The following FBXO47 variants were observed in gnomAD, a reference collection of about 807,000 sequenced individuals.
FBXO47 encodes F-box protein 47, also known as F-box only protein 47.
Under a neutral mutation model 53.9 loss-of-function variants are expected in FBXO47, and 34 were observed. The ratio of observed to expected loss-of-function variants is 0.63; its 90% confidence interval spans 0.48 to 0.84. The LOEUF is 0.84. Among genes scored for constraint, FBXO47 ranks in the 40% least tolerant of loss-of-function variants. The probability of loss-of-function intolerance (pLI) is 0.00; values close to 1 mark genes in which losing one functional copy is unlikely to be tolerated. For synonymous variants in FBXO47, 165 were observed against 181.6 expected, an observed-to-expected ratio of 0.91 and a Z score of 0.73; for missense variants, 485 against 541.3, an observed-to-expected ratio of 0.90 and a Z score of 1.03.
intron 3 of FBXO47, among the ~76,000 whole-genome samples, chr17:38,959,961 A>G (rs763076820): frequency 3.9e-5 from 6 of 151,954 alleles, no homozygotes; most frequent in Non-Finnish European, 8.8e-5. Context: ...CTGGGCCGCC[A>G]TGCCCAGATA....
At chr17:38,946,963 CATATATAAAT>C (rs1567717525) in intron 6 of FBXO47, among the ~76,000 whole-genome samples, 1 of 107,372 alleles carries the variant, frequency 9.3e-6, no homozygotes, top group African/African-American at 3.5e-5. Flanking sequence ...AATATATAAA[CATATATAAAT>C]ATATGTAAAT....
In FBXO47 at chr17:38,937,133, T is replaced by C. The variant is rs1329776039; in HGVS notation, c.*42A>G. The C allele has an allele frequency of 1.2e-6, 1 of 832,090 alleles. No individual in the cohort carries two copies. The allele number at this position is 832,090 out of a possible 1,614,324, so 51.5% of individuals were successfully genotyped here. On this transcript the variant is annotated 3_prime_UTR_variant, in exon 11 of 11. Coordinates refer to ENST00000378079, the MANE Select transcript of FBXO47 (RefSeq NM_001008777.3). ...TGAAAAAGTAGCACTCCTCTAATCA[T>C]TCGTTCAGTGACGTTCTCTAAAGGC...
chr17:38,961,809 TTG>T, intron 3 of FBXO47, 66 bp downstream of exon 3: 1 of 1,379,636 alleles, frequency 7.2e-7, no homozygotes, highest in Non-Finnish European at 1.0e-6. Context: ...CCTTACAGAA[TTG>T]TATACTAAGT....
rs950527470 is a variant in FBXO47, at chr17:38,944,707, A to C, written c.793+253T>G. ...ACAGAGCAGACTCCGTCTCAAAAAA[A>C]AAAAAAAAAAAAAATTAGCTGGTTG... On this transcript the variant is annotated intron_variant, in intron 7 of 10. Transcript: ENST00000378079. Among the ~76,000 whole-genome samples the C allele has an allele frequency of 9.3e-5, 14 of 151,166 alleles. No homozygotes were observed. In the East Asian group the frequency reaches 2.3e-3, roughly 25 times the overall value.
chr17:38,941,182 A>T (rs373823230), intron 9 of FBXO47, among the ~76,000 whole-genome samples: 37 of 150,672 alleles, frequency 2.5e-4, no homozygotes, highest in Middle Eastern at 3.4e-3. Flanking sequence ...TTATTTATTT[A>T]TTTTTTTGAG....
At position 38,962,919 on chromosome 17, in the gene FBXO47, T is replaced by G. The variant is rs1382534893; in HGVS notation, c.107A>C (p.Gln36Pro). Reference protein sequence around the residue: ...CYSKTLGSGFQPISTFGNFKA... With the variant: ...CYSKTLGSGFPPISTFGNFKA... ...AAAATTTCCAAATGTTGATATGGGT[T>G]GAAAGCCTGAGCCAAGGGTCTTGGA... The change falls in exon 2 of 11, where the codon CAA becomes CCA. Residue 36 changes from glutamine (Q) to proline (P), a missense_variant. Transcript: ENST00000378079. The G allele has an allele frequency of 1.2e-6, 2 of 1,613,586 alleles. No homozygotes were observed. The highest frequency in any genetic ancestry group is 1.7e-6 in the Non-Finnish European group (2 of 1,179,714).
At chr17:38,965,376 A>C (rs2143978532) in intron 1 of FBXO47, among the ~76,000 whole-genome samples, 1 of 152,306 alleles carries the variant, frequency 6.6e-6, no homozygotes, top group South Asian at 2.1e-4. Flanking sequence ...AAATTGCTAA[A>C]GTAACATTGT....
chr17:38,942,891 T>G lies in FBXO47; in HGVS notation c.970A>C (p.Asn324His), dbSNP rs1207375497. 6.2e-7 allele frequency: 1 copy of G among 1,610,872 alleles called. No homozygotes were observed. The highest frequency in any genetic ancestry group is 1.1e-5 in the South Asian group (1 of 90,050). ...CCACTTAGCATTAGGAGACGTGCAT[T>G]ATTCTCTAGAAGCCACTCACGGGGA... ...VVPREWLLEN[N>H]ARLLMLSGNN... The change falls in exon 9 of 11, where the codon AAT (asparagine) becomes CAT (histidine). Residue 324 changes from asparagine (N) to histidine (H), a missense_variant. Coordinates refer to ENST00000378079, the MANE Select transcript of FBXO47 (RefSeq NM_001008777.3).
chr17:38,963,308 G>T (rs1905915775), intron 1 of FBXO47, among the ~76,000 whole-genome samples: 1 of 152,018 alleles, frequency 6.6e-6, no homozygotes, highest in Non-Finnish European at 1.5e-5. Context: ...CTCCTAAGTA[G>T]CTGGGATTAC....
chr17:38,946,436 ATGAATATATATAAC>A (rs1567716800), intron 6 of FBXO47, among the ~76,000 whole-genome samples: 3 of 96,230 alleles, frequency 3.1e-5, no homozygotes, highest in African/African-American at 9.1e-5. Context: ...ATAAATATAT[ATGAATATATATAAC>A]TATATAAATA....
At chr17:38,941,396 C>T (rs1000297715) in intron 9 of FBXO47, among the ~76,000 whole-genome samples, 1 of 151,090 alleles carries the variant, frequency 6.6e-6, no homozygotes. Flanking sequence ...TTTCGAACTC[C>T]TGACCTCAGG....
chr17:38,944,487 G>A (rs964871812), intron 7 of FBXO47, among the ~76,000 whole-genome samples: 50 of 151,652 alleles, frequency 3.3e-4, no homozygotes, highest in African/African-American at 1.2e-3. Flanking sequence ...AAGATCACAA[G>A]GTCAGGAGAT....
At chr17:38,939,254 C>T (rs1435221690) in intron 9 of FBXO47, among the ~76,000 whole-genome samples, 9 of 126,450 alleles carry the variant, frequency 7.1e-5, no homozygotes, top group African/African-American at 2.8e-4. Flanking sequence ...GATCATACCA[C>T]TGCACTCCAG....
In FBXO47 at chr17:38,938,602, A is replaced by G. The variant is rs1387219072; in HGVS notation, c.1214T>C (p.Ile405Thr). The change falls in exon 10 of 11, where the codon ATA becomes ACA. Residue 405 changes from isoleucine to threonine, a missense_variant. Transcript: ENST00000378079. ...QNVANAFACVIMEMLQSIMSG... is the reference protein window; with the variant it reads ...QNVANAFACVTMEMLQSIMSG... ...CATAATTGATTGCAGCATTTCCATT[A>G]TAACACATGCAAATGCATTTGCCAC... is the stretch of plus-strand genomic sequence containing the variant. The G allele has an allele frequency of 1.9e-6, 3 of 1,613,058 alleles. No homozygotes were observed. Among genetic ancestry groups the G allele is most frequent in the Non-Finnish European group, 2.5e-6 (3 of 1,179,496 alleles).
chr17:38,951,590 T>C lies in FBXO47; in HGVS notation c.607A>G (p.Ser203Gly), dbSNP rs1905285812. 6.2e-7 allele frequency: 1 copy of C among 1,611,164 alleles called. No homozygotes were observed. Among genetic ancestry groups the C allele is most frequent in the Non-Finnish European group, 8.5e-7 (1 of 1,177,986 alleles). ...LCRKIQMAVC[S>G]KPGSAQKLEL... ...AATTATAGTTTTTTACCTGGTTTGC[T>C]GCAGACAGCCATTTGTATCTTGCGG... Residue 203 changes from serine to glycine, a missense_variant, in exon 6 of 11, where the codon AGC (serine) becomes GGC (glycine). Coordinates refer to ENST00000378079, the MANE Select transcript of FBXO47 (RefSeq NM_001008777.3).
At chr17:38,940,170 C>T (rs967278098) in intron 9 of FBXO47, among the ~76,000 whole-genome samples, 7 of 151,888 alleles carry the variant, frequency 4.6e-5, no homozygotes, top group Admixed American at 3.3e-4. Flanking sequence ...TTTCAAAGAG[C>T]TTGCAGTCTA....
chr17:38,954,495 C>G (rs959886154), intron 5 of FBXO47, among the ~76,000 whole-genome samples: 2 of 152,030 alleles, frequency 1.3e-5, no homozygotes, highest in African/African-American at 4.8e-5. Flanking sequence ...CAGCCCAAGA[C>G]TAAACTCATT....
chr17:38,962,325 T>C (rs1341796211), intron 2 of FBXO47, among the ~76,000 whole-genome samples: 1 of 152,070 alleles, frequency 6.6e-6, no homozygotes, highest in East Asian at 1.9e-4. Context: ...TTTAAAAAAA[T>C]TAATTTAGGG....
chr17:38,951,740 C>G, intron 5 of FBXO47, 51 bp from the exon 6 acceptor site: 1 of 1,393,684 alleles, frequency 7.2e-7, no homozygotes, highest in Non-Finnish European at 1.0e-6. Flanking sequence ...CAAGTCAAAA[C>G]ATAAGTCACA....
Sources: gnomAD v4.1 joint callset for allele counts (sites outside exome capture counted in the v4.1 genomes callset) on GRCh38, gnomAD v4.1.1 for gene constraint, MANE v1.5 for transcripts, NCBI Gene and HGNC (gene_info 2026-07-23, HGNC 2026-07-21) for gene names.